KAZN: variants seen among roughly 807,000 people sequenced by gnomAD.
The protein encoded by KAZN is kazrin, periplakin interacting protein.
Under a neutral mutation model 87.4 loss-of-function variants are expected in KAZN, and 40 were observed. The observed-to-expected ratio is 0.46, with a 90% CI of 0.36 to 0.60. The LOEUF (loss-of-function observed/expected upper bound fraction) is 0.60, where lower values mean the gene tolerates loss of function less well. Ranked by LOEUF, KAZN falls within the 20% of genes least tolerant of loss-of-function variation. The pLI, the probability that KAZN is intolerant of heterozygous loss-of-function variation, is 0.00. For missense variants in KAZN, 898 were observed against 1,073.9 expected, an observed-to-expected ratio of 0.84 and a Z score of 2.29; for synonymous variants, 466 against 458.3, an observed-to-expected ratio of 1.02 and a Z score of -0.22.
chr1:14,834,828 A>G (rs1647174329), intron 1 of KAZN, among the ~76,000 whole-genome samples: 1 of 152,094 alleles, frequency 6.6e-6, no homozygotes, highest in South Asian at 2.1e-4. Flanking sequence ...TAGTATTAGT[A>G]TTAGTATTAT....
chr1:14,841,519 TA>T (rs773230351), intron 1 of KAZN, among the ~76,000 whole-genome samples: 19 of 148,558 alleles, frequency 1.3e-4, no homozygotes, highest in Non-Finnish European at 2.2e-4. Flanking sequence ...TTCCTGGGTA[TA>T]GGGGCAGGGA....
chr1:14,681,621 A>G (rs1204906904), intron 1 of KAZN, among the ~76,000 whole-genome samples: 1,536 of 9,334 alleles, frequency 0.16, 34 homozygotes, highest in Non-Finnish European at 0.19. Context: ...GTGTATATAT[A>G]TATATATATA....
At chr1:14,792,492 A>G (rs535285954) in intron 1 of KAZN, among the ~76,000 whole-genome samples, 2 of 152,304 alleles carry the variant, frequency 1.3e-5, no homozygotes, top group South Asian at 2.1e-4. Flanking sequence ...TCTCCCAGGT[A>G]CATTAGAAGC....
Position 14,092,740 on chromosome 1 carries a change from A to G in KAZN, c.92-87695A>G, listed in dbSNP as rs186276230. Among the ~76,000 whole-genome samples the G allele has an allele frequency of 2.7e-3, 407 of 151,802 alleles. 10 individuals are homozygous for G. The South Asian group carries it at 0.067, about 25-fold the overall frequency. On this transcript the variant is annotated intron_variant, in intron 1 of 16. Coordinates refer to the KAZN transcript ENST00000636203. ...AAAACGTACCTTTATTTTGTCCTTTATTTTCTCCCCTTTTGTTTTTATCTC... is the reference window on the plus strand; with the variant it reads ...AAAACGTACCTTTATTTTGTCCTTTGTTTTCTCCCCTTTTGTTTTTATCTC...
At chr1:14,905,893 A>C (rs1397183323) in intron 1 of KAZN, among the ~76,000 whole-genome samples, 1 of 142,692 alleles carries the variant, frequency 7.0e-6, no homozygotes, top group African/African-American at 2.6e-5. Flanking sequence ...CACAGGCCGG[A>C]CACGGTGGCT....
At chr1:14,338,502 AAAAGAG>A (rs1264710739) in intron 2 of KAZN, among the ~76,000 whole-genome samples, 116 of 141,584 alleles carry the variant, frequency 8.2e-4, no homozygotes, top group African/African-American at 2.6e-3. Context: ...AAAAAAAAAA[AAAAGAG>A]AGAGAGAGAG....
At chr1:14,125,684 A>G (rs1644849066) in intron 1 of KAZN, among the ~76,000 whole-genome samples, 1 of 152,146 alleles carries the variant, frequency 6.6e-6, no homozygotes, top group Admixed American at 6.5e-5. Context: ...ACTGGAAGAT[A>G]GTAAACTTCT....
upstream of KAZN, among the ~76,000 whole-genome samples, chr1:14,596,107 C>T (rs1188172438): frequency 1.3e-5 from 2 of 152,142 alleles, no homozygotes; most frequent in African/African-American, 4.8e-5. Context: ...CACAAACACA[C>T]TCACACGCAT....
chr1:14,882,591 G>C (rs1653459626), intron 1 of KAZN, among the ~76,000 whole-genome samples: 1 of 152,174 alleles, frequency 6.6e-6, no homozygotes, highest in Non-Finnish European at 1.5e-5. Flanking sequence ...TCAGATGCTG[G>C]AGTGAAAGAA....
intron 2 of KAZN, among the ~76,000 whole-genome samples, chr1:14,465,709 A>C (rs560444087): frequency 5.8e-4 from 89 of 152,312 alleles, no homozygotes; most frequent in Admixed American, 3.1e-3. Flanking sequence ...CTCAACAGGC[A>C]GAGTAGAAAA....
intron 1 of KAZN, among the ~76,000 whole-genome samples, chr1:13,909,025 G>A (rs1293267273): frequency 6.6e-6 from 1 of 152,234 alleles, no homozygotes; most frequent in African/African-American, 2.4e-5. Context: ...ACACGCAGGT[G>A]GGTGAAGTCC....
intron 2 of KAZN, among the ~76,000 whole-genome samples, chr1:14,415,985 G>GA (rs1403864408): frequency 6.6e-6 from 1 of 152,310 alleles, no homozygotes; most frequent in African/African-American, 2.4e-5. Context: ...GGTGAATGGG[G>GA]AGACACCACA....
intron 2 of KAZN, among the ~76,000 whole-genome samples, chr1:14,389,970 C>T (rs905556398): frequency 2.0e-5 from 3 of 151,758 alleles, no homozygotes; most frequent in Admixed American, 6.6e-5. Flanking sequence ...CTCATGGACC[C>T]CATAAATATA....
intron 8 of KAZN, among the ~76,000 whole-genome samples, chr1:15,074,389 T>G (rs969721297): frequency 6.6e-6 from 1 of 152,128 alleles, no homozygotes; most frequent in African/African-American, 2.4e-5. Flanking sequence ...TCCAAGCTCC[T>G]CCAGGGGTCT....
At chr1:14,730,971 C>A (rs930054797) in intron 1 of KAZN, among the ~76,000 whole-genome samples, 1 of 152,148 alleles carries the variant, frequency 6.6e-6, no homozygotes, top group African/African-American at 2.4e-5. Flanking sequence ...GATTCCAAGG[C>A]CCCAGCAAGT....
rs1027634721 is a variant in KAZN at position 15,082,422 on chromosome 1, AG to A, written c.1223-11756del. 1.4e-4 allele frequency among the ~76,000 whole-genome samples: 21 copies of A among 152,328 alleles called. 1 individual carries two copies. Among genetic ancestry groups the A allele is most frequent in the African/African-American group, 5.1e-4 (21 of 41,568 alleles). On this transcript the variant is annotated intron_variant, in intron 8 of 14. Transcript: ENST00000376030. ...TGCTTGATGCTGCAGACATCAAAAG[AG>A]GCTCAGAAGCCCAGGGCATGGGTCA... is the stretch of plus-strand genomic sequence containing the variant.
At chr1:14,015,115 C>T (rs1293722835) in intron 1 of KAZN, among the ~76,000 whole-genome samples, 1 of 152,164 alleles carries the variant, frequency 6.6e-6, no homozygotes, top group African/African-American at 2.4e-5. Context: ...ACAAAATCCA[C>T]ATTTTAACAC....
At chr1:14,929,702 G>T (rs960049861) in intron 1 of KAZN, 21 of 887,204 alleles carry the variant, frequency 2.4e-5, no homozygotes, top group African/African-American at 1.8e-5. Context: ...AGAGAGACAG[G>T]CATGGTTATA....
chr1:14,202,122 C>G (rs1330273420), intron 2 of KAZN, among the ~76,000 whole-genome samples: 5 of 152,126 alleles, frequency 3.3e-5, no homozygotes, highest in Non-Finnish European at 1.5e-5. Flanking sequence ...GAAACTAGAG[C>G]AAGATGGGGG....
Sources: gnomAD v4.1 joint callset for allele counts (sites outside exome capture counted in the v4.1 genomes callset) on GRCh38, gnomAD v4.1.1 for gene constraint, MANE v1.5 for transcripts, NCBI Gene and HGNC (gene_info 2026-07-23, HGNC 2026-07-21) for gene names.